Variants in GLYR1 observed in about 807,000 individuals in gnomAD.
The protein encoded by GLYR1 is glyoxylate reductase 1 homolog, also known as cytokine-like nuclear factor N-PAC.
A neutral mutation model predicts 72.7 loss-of-function variants in GLYR1; 21 were observed. That is an observed-to-expected ratio of 0.29 (90% confidence interval 0.20 to 0.42). The LOEUF (loss-of-function observed/expected upper bound fraction) is 0.42. Ranked by LOEUF, GLYR1 falls within the 10% of genes least tolerant of loss-of-function variation. The pLI, the probability that GLYR1 is intolerant of heterozygous loss-of-function variation, is 1.00. For missense variants in GLYR1, 594 were observed against 712.1 expected, an observed-to-expected ratio of 0.83 and a Z score of 1.89; for synonymous variants, 392 against 270.2, an observed-to-expected ratio of 1.45 and a Z score of -4.42.
At chr16:4,832,712 T>C in intron 4 of GLYR1, 62 bp downstream of exon 4, 1 of 1,528,804 alleles carries the variant, frequency 6.5e-7, no homozygotes, top group Non-Finnish European at 8.9e-7. Flanking sequence ...ATTTAATCTG[T>C]TAGTTGCTAT....
chr16:4,817,321 G>C lies in GLYR1; in HGVS notation c.906+277C>G, dbSNP rs942382396. On this transcript the variant is annotated intron_variant, in intron 10 of 15. Transcript: ENST00000321919. ...TTTTAAGTAGAGACGGGGTTTCACC[G>C]TGTTAGCCAGGATGGTCTCGATCTC... is the stretch of plus-strand genomic sequence containing the variant. Among the ~76,000 whole-genome samples the C allele has an allele frequency of 3.3e-5, 5 of 151,780 alleles. No individual in the cohort carries two copies. The East Asian group carries it at 5.9e-4, about 18-fold the overall frequency.
At chr16:4,828,445 G>T (rs2084571179) in intron 5 of GLYR1, among the ~76,000 whole-genome samples, 1 of 152,090 alleles carries the variant, frequency 6.6e-6, no homozygotes, top group Admixed American at 6.6e-5. Context: ...ACTTTAACAT[G>T]CAATGGGAAA....
chr16:4,846,915 T>A (rs1184552575), intron 1 of GLYR1: 12 of 432,244 alleles, frequency 2.8e-5, no homozygotes, highest in Non-Finnish European at 4.9e-5. Flanking sequence ...CGGGGACCGG[T>A]CGTCCGGGGA....
chr16:4,835,422 A>G (rs1392400593), intron 3 of GLYR1, among the ~76,000 whole-genome samples: 2 of 152,260 alleles, frequency 1.3e-5, no homozygotes, highest in Non-Finnish European at 2.9e-5. Context: ...GAAACATTAA[A>G]ATGGCTAAAT....
chr16:4,835,945 G>T (rs1567785092), intron 3 of GLYR1, among the ~76,000 whole-genome samples: 1 of 152,152 alleles, frequency 6.6e-6, no homozygotes, highest in Admixed American at 6.5e-5. Context: ...TTCTCTAAAG[G>T]TTACACTTCT....
intron 5 of GLYR1, among the ~76,000 whole-genome samples, chr16:4,830,211 C>T (rs1029104244): frequency 6.6e-6 from 1 of 150,408 alleles, no homozygotes; most frequent in African/African-American, 2.5e-5. Flanking sequence ...CTGCACCTGG[C>T]CAACTTTGTC....
rs2083352943 is a variant in GLYR1, at chr16:4,812,108, C to G, written c.1260G>C (p.Met420Ile). 1 of 1,613,990 alleles carries G rather than the reference C, an allele frequency of 6.2e-7. No individual in the cohort carries two copies. The highest frequency in any genetic ancestry group is 2.2e-5 in the East Asian group (1 of 44,888). ...YEDCSSCFQA[M>I]GKTSFFLGEV... ...TACCTAGGAAGAAGGAGGTCTTCCC[C>G]ATCGCCTGGAAGCAGCTGCTGCAGT... The change falls in exon 13 of 16, where the codon ATG becomes ATC. Residue 420 changes from methionine to isoleucine, a missense_variant. Met to Ile is a conservative substitution (Grantham distance 10). Around this residue, in one of 5 missense-constraint regions of GLYR1, gnomAD observed 266 missense variants for 358.4 expected, o/e 0.74. Coordinates refer to ENST00000321919, the MANE Select transcript of GLYR1 (RefSeq NM_032569.4).
intron 5 of GLYR1, among the ~76,000 whole-genome samples, chr16:4,830,895 A>C (rs905901029): frequency 6.6e-6 from 1 of 151,978 alleles, no homozygotes; most frequent in Non-Finnish European, 1.5e-5. Context: ...TCTCTTCCTG[A>C]AACAAACCCA....
In GLYR1 at chr16:4,812,164, A is replaced by ATATGAGGAGGACGG; in HGVS notation, c.1203_1204insCCGTCCTCCTCATA (p.Leu402ProfsTer6). The ATATGAGGAGGACGG allele has an allele frequency of 6.2e-7, 1 of 1,614,194 alleles. No individual in the cohort carries two copies. The highest frequency in any genetic ancestry group is 8.5e-7 in the Non-Finnish European group (1 of 1,180,030). On this transcript the variant is annotated frameshift_variant, in exon 13 of 16. Coordinates refer to ENST00000321919, the MANE Select transcript of GLYR1 (RefSeq NM_032569.4). LOFTEE classifies it high-confidence loss of function. ...TATAAGCCCCTGTCTCCAGCCGCTA[A>ATATGAGGAGGACGG]GATCACCAACATCCCGTCATTAGAC...
intron 12 of GLYR1, 41 bp downstream of exon 12, chr16:4,813,696 T>G: frequency 6.6e-7 from 1 of 1,513,798 alleles, no homozygotes; most frequent in Non-Finnish European, 9.0e-7. Flanking sequence ...TGGGCTCTGA[T>G]AGAAAAGATG....
At chr16:4,819,798 T>C (rs938134008) in intron 9 of GLYR1, among the ~76,000 whole-genome samples, 1 of 152,166 alleles carries the variant, frequency 6.6e-6, no homozygotes, top group African/African-American at 2.4e-5. Flanking sequence ...TTGAATCACA[T>C]GTTGAAAATG....
At chr16:4,844,965 C>G (rs1348192613) in intron 3 of GLYR1, 109 bp downstream of exon 3, 9 of 756,176 alleles carry the variant, frequency 1.2e-5, no homozygotes, top group Non-Finnish European at 2.1e-5. Flanking sequence ...CAGTATTACA[C>G]ATTATAAGAA....
intron 15 of GLYR1, among the ~76,000 whole-genome samples, chr16:4,807,443 A>T (rs1230861272): frequency 6.6e-6 from 1 of 152,144 alleles, no homozygotes; most frequent in Non-Finnish European, 1.5e-5. Context: ...AAAGTAAGAA[A>T]GGAGGAACAA....
At chr16:4,828,951 A>G (rs1386027605) in intron 5 of GLYR1, among the ~76,000 whole-genome samples, 1 of 152,108 alleles carries the variant, frequency 6.6e-6, no homozygotes, top group Non-Finnish European at 1.5e-5. Context: ...GACAATATCA[A>G]TTTGGGAAAT....
At chr16:4,818,100 T>C (rs1403118417) in intron 9 of GLYR1, among the ~76,000 whole-genome samples, 8 of 151,976 alleles carry the variant, frequency 5.3e-5, no homozygotes, top group African/African-American at 1.9e-4. Flanking sequence ...GTTCAAGCGA[T>C]TCTCCTGCCT....
At chr16:4,843,366 G>T (rs2085705029) in intron 3 of GLYR1, 2 of 642,906 alleles carry the variant, frequency 3.1e-6, no homozygotes, top group Non-Finnish European at 2.1e-6. Context: ...TGTTGGCCAG[G>T]ATGGTCTCGA....
At chr16:4,838,563 A>G (rs566547049) in intron 3 of GLYR1, among the ~76,000 whole-genome samples, 1 of 150,626 alleles carries the variant, frequency 6.6e-6, no homozygotes, top group South Asian at 2.1e-4. Context: ...CCATTCCATC[A>G]TCATCCACAG....
At chr16:4,829,196 C>T (rs1451261740) in intron 5 of GLYR1, among the ~76,000 whole-genome samples, 1 of 152,070 alleles carries the variant, frequency 6.6e-6, no homozygotes, top group East Asian at 1.9e-4. Flanking sequence ...CTGTCTCTCA[C>T]CAGAGGCCTC....
In GLYR1 at chr16:4,846,103, G is replaced by A. The variant is rs550355891; in HGVS notation, c.75+71C>T. 1.6e-4 allele frequency: 243 copies of A among 1,499,124 alleles called. No homozygotes were observed. The South Asian group carries it at 2.6e-3, about 16-fold the overall frequency. The allele number at this position is 1,499,124 out of a possible 1,614,324, so 92.9% of individuals were successfully genotyped here. A position where few individuals can be genotyped will look rare whatever the true frequency, so the allele number is the denominator to read the frequency against. ...TTAACTCAATACTAGAAACTGAGAG[G>A]AATGCATCTTACATTCTCCACCTCT... On this transcript the variant is annotated intron_variant, in intron 2 of 15. Coordinates refer to ENST00000321919, the MANE Select transcript of GLYR1 (RefSeq NM_032569.4).
Sources: allele counts gnomAD v4.1 joint callset (sites outside exome capture counted in the v4.1 genomes callset), GRCh38; gene constraint gnomAD v4.1.1; regional missense constraint gnomAD v4.1.1; transcripts MANE v1.5; gene names NCBI Gene and HGNC (gene_info 2026-07-23, HGNC 2026-07-21).